CACNA1H: variants seen among roughly 807,000 people sequenced by gnomAD.
CACNA1H encodes calcium voltage-gated channel subunit alpha1 H, also known as voltage-dependent T-type calcium channel subunit alpha-1H.
A neutral mutation model predicts 192.5 loss-of-function variants in CACNA1H; 149 were observed. That is an observed-to-expected ratio of 0.77 (90% CI 0.68 to 0.89). The LOEUF is 0.89. CACNA1H is among the 40% of genes least tolerant of loss of function. CACNA1H has a pLI of 0.00. For synonymous variants in CACNA1H, 2,202 were observed against 1,475.2 expected, an observed-to-expected ratio of 1.49 and a Z score of -11.29; for missense variants, 4,257 against 3,423.5, an observed-to-expected ratio of 1.24 and a Z score of -6.08.
intron 2 of CACNA1H, among the ~76,000 whole-genome samples, chr16:1,165,806 C>T (rs906641692): frequency 6.6e-6 from 1 of 152,206 alleles, no homozygotes; most frequent in Non-Finnish European, 1.5e-5. Flanking sequence ...AACCCATCAG[C>T]CCATGGTTTC....
rs377030217 is a variant in CACNA1H, at chr16:1,210,360, G to A, written c.3846-10G>A. Reference sequence around the variant, plus strand: ...CCCGCCCCACCTCTCACCCGCCCCCGCCCACCCAGGTTCCGCGTCTCCTGC... The same window carrying A: ...CCCGCCCCACCTCTCACCCGCCCCCACCCACCCAGGTTCCGCGTCTCCTGC... On this transcript the variant is annotated splice_polypyrimidine_tract_variant and intron_variant, in intron 18 of 34. Coordinates refer to ENST00000348261, the MANE Select transcript of CACNA1H (RefSeq NM_021098.3). The A allele has an allele frequency of 1.9e-3, 300 of 159,314 alleles. No homozygotes were observed. Among genetic ancestry groups the A allele is most frequent in the Non-Finnish European group, 2.8e-3 (262 of 94,128 alleles). The allele number at this position is 159,314 out of a possible 1,614,324, so 9.9% of individuals were successfully genotyped here.
At chr16:1,154,169 G>A in intron 2 of CACNA1H, 133 bp downstream of exon 2, 2 of 601,148 alleles carry the variant, frequency 3.3e-6, no homozygotes, top group African/African-American at 3.9e-5. Flanking sequence ...GGGCGCGCGG[G>A]GGTGCAGGGC....
intron 2 of CACNA1H, among the ~76,000 whole-genome samples, chr16:1,189,907 G>T (rs1966449026): frequency 6.6e-6 from 1 of 152,236 alleles, no homozygotes; most frequent in Admixed American, 6.5e-5. Context: ...AGTGGGGGCT[G>T]CCTGGGGAAC....
intron 5 of CACNA1H, 142 bp from the exon 6 acceptor site, chr16:1,198,473 G>A (rs1024819254): frequency 2.5e-5 from 21 of 831,594 alleles, no homozygotes; most frequent in Admixed American, 4.4e-5. Flanking sequence ...AAATCACCAG[G>A]GGGTGGCCCG....
chr16:1,198,843 T>TGTGGCTCCACCGCCCCAC (rs1967328083), intron 6 of CACNA1H, 69 bp downstream of exon 6: 4 of 1,458,594 alleles, frequency 2.7e-6, no homozygotes, highest in South Asian at 2.5e-5. Flanking sequence ...TAACGCACCA[T>TGTGGCTCCACCGCCCCAC]GTGGCTCCAC....
chr16:1,178,632 C>T (rs1320157509), intron 2 of CACNA1H, among the ~76,000 whole-genome samples: 2 of 152,172 alleles, frequency 1.3e-5, no homozygotes, highest in African/African-American at 2.4e-5. Context: ...TCTGTTGCTT[C>T]AGCCGCCGCC....
chr16:1,186,160 G>T (rs113113202), intron 2 of CACNA1H, among the ~76,000 whole-genome samples: 1 of 144,812 alleles, frequency 6.9e-6, no homozygotes, highest in East Asian at 2.0e-4. Flanking sequence ...GACGGTCGGC[G>T]TGCGTAGGGG....
chr16:1,185,502 C>G (rs953645962), intron 2 of CACNA1H, among the ~76,000 whole-genome samples: 1 of 129,978 alleles, frequency 7.7e-6, no homozygotes, highest in East Asian at 2.1e-4. Flanking sequence ...TCTGCAGAGT[C>G]CCCCCCCCCG....
rs377532485 is a variant in CACNA1H, at chr16:1,213,822, G to A, written c.4820G>A (p.Arg1607His). 7.6e-6 allele frequency: 12 copies of A among 1,587,178 alleles called. No homozygotes were observed. Among genetic ancestry groups the A allele is most frequent in the South Asian group, 1.1e-5 (1 of 87,400 alleles). Residue 1607 changes from arginine (R) to histidine (H), a missense_variant, in exon 27 of 35, where the codon CGC becomes CAC. By Grantham distance (29) the Arg-to-His change is conservative (BLOSUM62 0). Transcript: ENST00000348261. The part of the protein sequence containing the change: ...RPYYADYSPT[R>H]RSIHSLCTSH... ...TACTATGCCGACTACTCGCCCACGC[G>A]CCGCTCCATTCACTCGCTGTGCACC... is the stretch of plus-strand genomic sequence containing the variant.
intron 14 of CACNA1H, 36 bp from the exon 15 acceptor site, chr16:1,207,734 G>A: frequency 1.3e-6 from 2 of 1,543,022 alleles, no homozygotes; most frequent in African/African-American, 1.4e-5. Flanking sequence ...CACTCACGGG[G>A]CCCCTCATGC....
intron 9 of CACNA1H, among the ~76,000 whole-genome samples, chr16:1,203,146 G>C (rs946343556): frequency 4.6e-5 from 7 of 152,172 alleles, no homozygotes; most frequent in African/African-American, 1.7e-4. Context: ...CTCATGCGCT[G>C]GTACCCAGGG....
At chr16:1,212,382 C>G in intron 25 of CACNA1H, 129 bp from the exon 26 acceptor site, 1 of 1,076,572 alleles carries the variant, frequency 9.3e-7, no homozygotes, top group South Asian at 1.5e-5. Context: ...GGCAGGTTCC[C>G]CACCGAGTCC....
At chr16:1,216,874 G>A (rs1474136855) in intron 30 of CACNA1H, 58 bp from the exon 31 acceptor site, 2 of 1,396,906 alleles carry the variant, frequency 1.4e-6, no homozygotes, top group African/African-American at 1.4e-5. Flanking sequence ...GCCCTGCAGG[G>A]TGGGCTGAGG....
At position 1,202,113 on chromosome 16, in the gene CACNA1H, G is replaced by A. The variant is rs1056058034; in HGVS notation, c.1663G>A (p.Ala555Thr). Residue 555 changes from alanine (A) to threonine (T), a missense_variant, in exon 9 of 35, where the codon GCG becomes ACG. Physicochemically the swap from Ala to Thr is moderately conservative, Grantham distance 58 (BLOSUM62 0). Coordinates refer to ENST00000348261, the MANE Select transcript of CACNA1H (RefSeq NM_021098.3). ...CGACACCAGGCTGGTCCGAGCTGGC[G>A]CGCCCCCCTCGCCACCTTCCCCAGG... is the stretch of plus-strand genomic sequence containing the variant. ...ACDTRLVRAG[A>T]PPSPPSPGRG... is the part of the protein sequence containing the mutation. 1.2e-5 allele frequency: 18 copies of A among 1,546,068 alleles called. No homozygotes were observed. Among genetic ancestry groups the A allele is most frequent in the African/African-American group, 2.7e-5 (2 of 72,986 alleles).
At chr16:1,157,583 C>T (rs970488535) in intron 2 of CACNA1H, 2 of 152,292 alleles carry the variant, frequency 1.3e-5, no homozygotes, top group African/African-American at 4.8e-5. Flanking sequence ...CGCCCGCCTC[C>T]CCGGGCTCCA....
intron 2 of CACNA1H, among the ~76,000 whole-genome samples, chr16:1,175,114 C>T (rs868837695): frequency 2.6e-5 from 4 of 152,224 alleles, no homozygotes; most frequent in African/African-American, 4.8e-5. Flanking sequence ...CCCCACTGCG[C>T]GCGCAGGCCA....
intron 6 of CACNA1H, among the ~76,000 whole-genome samples, chr16:1,199,843 C>T (rs938877240): frequency 3.9e-5 from 6 of 152,124 alleles, no homozygotes; most frequent in South Asian, 2.1e-4. Context: ...CTCCCCTCGT[C>T]CCTTGCCCTT....
chr16:1,162,167 C>T (rs1449028042), intron 2 of CACNA1H, among the ~76,000 whole-genome samples: 3 of 152,140 alleles, frequency 2.0e-5, no homozygotes, highest in Non-Finnish European at 4.4e-5. Flanking sequence ...ACATGGGATC[C>T]TGTCAGCCCC....
At position 1,204,318 on chromosome 16, in the gene CACNA1H, G is replaced by C; in HGVS notation, c.2311G>C (p.Glu771Gln). 1.3e-6 allele frequency: 2 copies of C among 1,598,322 alleles called. No individual in the cohort carries two copies. Reference sequence around the variant, plus strand: ...GGCACAGCAGAGGGCAGCCCCGGGCGAGCCAGGCTGGATGGGCCGCCTCTG... The same window carrying C: ...GGCACAGCAGAGGGCAGCCCCGGGCCAGCCAGGCTGGATGGGCCGCCTCTG... ...RRAQQRAAPG[E>Q]PGWMGRLWVT... Residue 771 changes from glutamate (E) to glutamine (Q), a missense_variant, in exon 10 of 35, where the codon GAG becomes CAG. Glu to Gln is a conservative substitution (Grantham distance 29, BLOSUM62 2). Coordinates refer to ENST00000348261, the MANE Select transcript of CACNA1H (RefSeq NM_021098.3).
Sources: gnomAD v4.1 joint callset for allele counts (sites outside exome capture counted in the v4.1 genomes callset) on GRCh38, gnomAD v4.1.1 for gene constraint, MANE v1.5 for transcripts, NCBI Gene and HGNC (gene_info 2026-07-23, HGNC 2026-07-21) for gene names.